KIF21A: variants seen among roughly 807,000 people sequenced by gnomAD.
KIF21A encodes kinesin-like protein KIF21A.
KIF21A carries 114 observed loss-of-function variants against 202.9 expected under a neutral mutation model. The ratio of observed to expected loss-of-function variants is 0.56; its 90% CI spans 0.48 to 0.66. The LOEUF (loss-of-function observed/expected upper bound fraction) is 0.66, where lower values mean the gene tolerates loss of function less well. KIF21A is among the 30% of genes least tolerant of loss of function. The pLI is 0.00. For missense variants in KIF21A, 1,677 were observed against 1,994.9 expected, an observed-to-expected ratio of 0.84 and a Z score of 3.04; for synonymous variants, 667 against 670.8, an observed-to-expected ratio of 0.99 and a Z score of 0.09.
chr12:39,300,738 T>TACAGTC (rs1942886588), intron 37 of KIF21A, among the ~76,000 whole-genome samples: 1 of 152,178 alleles, frequency 6.6e-6, no homozygotes, highest in South Asian at 2.1e-4. Context: ...ACTGTCATTT[T>TACAGTC]ACAGTCACAT....
At chr12:39,391,439 T>G (rs1951343513) in intron 1 of KIF21A, among the ~76,000 whole-genome samples, 1 of 152,082 alleles carries the variant, frequency 6.6e-6, no homozygotes, top group Non-Finnish European at 1.5e-5. Flanking sequence ...AGAGGAGGTT[T>G]AAGACATTTG....
chr12:39,388,311 C>A (rs2139591467), intron 1 of KIF21A, among the ~76,000 whole-genome samples: 1 of 152,262 alleles, frequency 6.6e-6, no homozygotes, highest in Non-Finnish European at 1.5e-5. Context: ...AATGCTGTTC[C>A]CCTTTACCTT....
Position 39,369,922 on chromosome 12 carries a change from G to T in KIF21A, c.268-11C>A, listed in dbSNP as rs1262229706. 1.2e-6 allele frequency: 2 copies of T among 1,611,312 alleles called. No individual in the cohort carries two copies. The highest frequency in any genetic ancestry group is 2.7e-5 in the African/African-American group (2 of 74,934). ...TTTACCAGCTCCAGTCTAAACAAAA[G>T]AACAGAGAAAGATTAGTGTTCAACC... is the stretch of plus-strand genomic sequence containing the variant. On this transcript the variant is annotated splice_polypyrimidine_tract_variant and intron_variant, in intron 2 of 37. Transcript: ENST00000361418.
At chr12:39,300,421 G>A (rs1942858514) in intron 37 of KIF21A, among the ~76,000 whole-genome samples, 1 of 152,038 alleles carries the variant, frequency 6.6e-6, no homozygotes, top group African/African-American at 2.4e-5. Context: ...AAAGATGAAA[G>A]TAAATCTAAA....
chr12:39,397,757 G>A (rs575762778), intron 1 of KIF21A, among the ~76,000 whole-genome samples: 5 of 152,288 alleles, frequency 3.3e-5, no homozygotes, highest in Admixed American at 2.6e-4. Context: ...TAACACGAAC[G>A]TTTGGATCCA....
chr12:39,415,859 T>C (rs1310135538), intron 1 of KIF21A, among the ~76,000 whole-genome samples: 2 of 152,222 alleles, frequency 1.3e-5, no homozygotes, highest in Non-Finnish European at 2.9e-5. Flanking sequence ...CTATTGTATT[T>C]GGATTCCCTC....
chr12:39,417,040 T>C (rs1188434993), intron 1 of KIF21A, among the ~76,000 whole-genome samples: 1 of 151,834 alleles, frequency 6.6e-6, no homozygotes, highest in Admixed American at 6.6e-5. Context: ...AATCATTAAA[T>C]AGTAAACACC....
At chr12:39,380,976 C>A (rs906475285) in intron 1 of KIF21A, among the ~76,000 whole-genome samples, 1 of 151,974 alleles carries the variant, frequency 6.6e-6, no homozygotes, top group Non-Finnish European at 1.5e-5. Context: ...AGGGAAGGGT[C>A]TCATTATACT....
intron 10 of KIF21A, among the ~76,000 whole-genome samples, chr12:39,356,161 C>T (rs963573543): frequency 1.3e-4 from 20 of 152,238 alleles, no homozygotes; most frequent in Non-Finnish European, 2.2e-4. Context: ...TTTCCCAACC[C>T]TATTCCCCAA....
chr12:39,366,451 C>T lies in KIF21A; in HGVS notation c.802G>A (p.Ala268Thr). 6.2e-7 allele frequency: 1 copy of T among 1,613,530 alleles called. No individual in the cohort carries two copies. The highest frequency in any genetic ancestry group is 2.2e-5 in the East Asian group (1 of 44,876). Reference sequence around the variant, plus strand: ...GCGAGATCAACAAAATGGAACTTTGCAGTCAGGGTTTCAAATTCATTCATC... The same window carrying T: ...GCGAGATCAACAAAATGGAACTTTGTAGTCAGGGTTTCAAATTCATTCATC... ...AQMNEFETLT[A>T]KFHFVDLAGS... Residue 268 changes from alanine to threonine, a missense_variant, in exon 6 of 38, where the codon GCA (alanine) becomes ACA (threonine). This residue lies in a region of KIF21A where 966 missense variants were observed against 1,180.9 expected (regional missense o/e 0.82). Transcript: ENST00000361418.
intron 1 of KIF21A, among the ~76,000 whole-genome samples, chr12:39,416,433 T>C (rs1953595432): frequency 1.3e-5 from 2 of 151,632 alleles, no homozygotes; most frequent in South Asian, 4.2e-4. Flanking sequence ...CCGTCTCCAC[T>C]AAAAATACAA....
chr12:39,421,194 T>C (rs2140222513), intron 1 of KIF21A, among the ~76,000 whole-genome samples: 1 of 152,340 alleles, frequency 6.6e-6, no homozygotes, highest in South Asian at 2.1e-4. Context: ...TATAGTAACA[T>C]GCTACACAGG....
At chr12:39,372,387 C>T (rs1363784950) in intron 1 of KIF21A, among the ~76,000 whole-genome samples, 1 of 152,092 alleles carries the variant, frequency 6.6e-6, no homozygotes, top group Non-Finnish European at 1.5e-5. Flanking sequence ...CAATGTGGAG[C>T]TGTCCAGGTA....
chr12:39,302,447 C>A (rs1347528881), intron 36 of KIF21A, among the ~76,000 whole-genome samples: 5 of 152,158 alleles, frequency 3.3e-5, no homozygotes, highest in African/African-American at 7.2e-5. Context: ...TAACTAATTT[C>A]TTTTCCAGGG....
chr12:39,375,743 G>A (rs577303577), intron 1 of KIF21A, among the ~76,000 whole-genome samples: 1 of 152,110 alleles, frequency 6.6e-6, no homozygotes, highest in East Asian at 1.9e-4. Flanking sequence ...TACAGTAATG[G>A]GTTAGCTTGT....
At chr12:39,326,001 T>C (rs1945867778) in intron 25 of KIF21A, 108 bp from the exon 26 acceptor site, 4 of 782,176 alleles carry the variant, frequency 5.1e-6, no homozygotes, top group Non-Finnish European at 8.6e-6. Context: ...CTATGGGAAA[T>C]ACAGAAAGAC....
intron 17 of KIF21A, among the ~76,000 whole-genome samples, chr12:39,334,146 A>C (rs1399569847): frequency 6.7e-6 from 1 of 148,162 alleles, no homozygotes; most frequent in Non-Finnish European, 1.5e-5. Context: ...GGCTGCAGTG[A>C]GCCAAGACTG....
chr12:39,408,320 C>T (rs1952776710), intron 1 of KIF21A, among the ~76,000 whole-genome samples: 1 of 152,052 alleles, frequency 6.6e-6, no homozygotes, highest in Non-Finnish European at 1.5e-5. Flanking sequence ...GTTCATACTC[C>T]TATGATAATT....
chr12:39,404,485 T>C (rs1315566369), intron 1 of KIF21A, among the ~76,000 whole-genome samples: 1 of 152,214 alleles, frequency 6.6e-6, no homozygotes, highest in East Asian at 1.9e-4. Flanking sequence ...CTACTGTAAG[T>C]AGTGCTTAAG....
Sources: gnomAD v4.1 joint callset for allele counts (sites outside exome capture counted in the v4.1 genomes callset) on GRCh38, gnomAD v4.1.1 for gene constraint, gnomAD v4.1.1 regional missense constraint, MANE v1.5 for transcripts, NCBI Gene and HGNC (gene_info 2026-07-23, HGNC 2026-07-21) for gene names.